Variants in TPRG1 observed in about 807,000 individuals in gnomAD.
The protein encoded by TPRG1 is tumor protein p63-regulated gene 1 protein.
Under a neutral mutation model 29.3 loss-of-function variants are expected in TPRG1, and 29 were observed. The ratio of observed to expected loss-of-function variants is 0.99; its 90% CI spans 0.74 to 1.35. The LOEUF (loss-of-function observed/expected upper bound fraction) is 1.35. Among genes scored for constraint, TPRG1 ranks in the 40% most tolerant of loss-of-function variants. The pLI is 0.00. For missense variants in TPRG1, 327 were observed against 335.0 expected (o/e 0.98, Z 0.19); for synonymous variants, 130 against 116.8 (o/e 1.11, Z -0.73).
chr3:189,116,467 G>A (rs996887728), intron 1 of TPRG1, among the ~76,000 whole-genome samples: 7 of 152,166 alleles, frequency 4.6e-5, no homozygotes, highest in Admixed American at 2.6e-4. Context: ...ATGAGCCACC[G>A]CGCCCAGCTC....
chr3:189,162,748 A>G (rs1427794633), intron 5 of TPRG1, among the ~76,000 whole-genome samples: 3 of 152,222 alleles, frequency 2.0e-5, no homozygotes, highest in Non-Finnish European at 4.4e-5. Flanking sequence ...GTTGCTCTAT[A>G]CATAAGATAC....
chr3:189,056,741 T>C (rs571897684), intron 4 of TPRG1, among the ~76,000 whole-genome samples: 1 of 152,280 alleles, frequency 6.6e-6, no homozygotes, highest in South Asian at 2.1e-4. Context: ...AATCTCTCAG[T>C]GCAGACAGAT....
chr3:189,317,771 A>T (rs964876522), intron 5 of TPRG1, among the ~76,000 whole-genome samples: 1 of 152,170 alleles, frequency 6.6e-6, no homozygotes, highest in South Asian at 2.1e-4. Context: ...ATGTATACTT[A>T]CAAAGGTATA....
chr3:189,153,561 A>G (rs887420282), intron 5 of TPRG1, among the ~76,000 whole-genome samples: 1 of 151,966 alleles, frequency 6.6e-6, no homozygotes, highest in Admixed American at 6.6e-5. Flanking sequence ...TCACTCCCCA[A>G]GTGTCTCGGG....
At chr3:189,223,353 T>A (rs1234685855) in intron 3 of TPRG1, among the ~76,000 whole-genome samples, 1 of 152,180 alleles carries the variant, frequency 6.6e-6, no homozygotes, top group Non-Finnish European at 1.5e-5. Context: ...CTCAAATCTA[T>A]CAAGATGTTA....
At chr3:189,116,532 G>T (rs1191501598) in intron 1 of TPRG1, among the ~76,000 whole-genome samples, 2 of 152,130 alleles carry the variant, frequency 1.3e-5, no homozygotes, top group South Asian at 2.1e-4. Context: ...GTAGCCAAAA[G>T]GTAGAAGTAA....
intron 4 of TPRG1, among the ~76,000 whole-genome samples, chr3:189,292,092 T>G (rs1485396320): frequency 6.6e-6 from 1 of 152,238 alleles, no homozygotes; most frequent in Non-Finnish European, 1.5e-5. Context: ...TTTAAACAAT[T>G]TGAAAACATC....
intron 3 of TPRG1, among the ~76,000 whole-genome samples, chr3:189,145,234 C>T (rs559568055): frequency 3.3e-5 from 5 of 151,828 alleles, no homozygotes; most frequent in Admixed American, 2.0e-4. Flanking sequence ...TGGTGGCAGG[C>T]GCCTGTAATC....
chr3:189,189,504 C>T (rs1192873257), intron 1 of TPRG1, among the ~76,000 whole-genome samples: 1 of 151,600 alleles, frequency 6.6e-6, no homozygotes, highest in Non-Finnish European at 1.5e-5. Context: ...TTGGATTTGC[C>T]CCTGGGAGAT....
chr3:189,008,775 G>T (rs1015840584), intron 3 of TPRG1, among the ~76,000 whole-genome samples: 13 of 152,148 alleles, frequency 8.5e-5, no homozygotes, highest in Non-Finnish European at 1.8e-4. Flanking sequence ...AAATTGTATG[G>T]AAAAGGAAAC....
In TPRG1 at chr3:189,310,379, CT is replaced by C. The variant is rs762400305; in HGVS notation, c.480-5del. On this transcript the variant is annotated splice_polypyrimidine_tract_variant and splice_region_variant and intron_variant, in intron 4 of 5. Coordinates refer to ENST00000345063, the MANE Select transcript of TPRG1 (RefSeq NM_198485.4). Reference sequence around the variant, plus strand: ...GACTAATCTAATGGAAAACGCCTTTCTTGTAGGAGACAAGGAGAAGGCCTTA... The same window carrying C: ...GACTAATCTAATGGAAAACGCCTTTCTGTAGGAGACAAGGAGAAGGCCTTA... 1 of 1,555,612 alleles carries C rather than the reference CT, an allele frequency of 6.4e-7. No individual in the cohort carries two copies. The highest frequency in any genetic ancestry group is 8.7e-7 in the Non-Finnish European group (1 of 1,149,994).
Position 189,312,107 on chromosome 3 carries a change from T to TC in TPRG1, c.633+1568_633+1569insC, listed in dbSNP as rs1560688827. Among the ~76,000 whole-genome samples, 35 of 73,808 alleles carry TC rather than the reference T, an allele frequency of 4.7e-4. 1 individual carries two copies. The highest frequency in any genetic ancestry group is 1.1e-3 in the South Asian group (3 of 2,734). 48.4% of individuals were successfully genotyped at this position (73,808 alleles called of 152,430 possible). A position where few individuals can be genotyped will look rare whatever the true frequency, so the allele number is the denominator to read the frequency against. ...TTTCTTTCTTTCTTTGTTTCTTTGT[T>TC]TCTTTCTTTGTTTCTTTCTTTCTTT... On this transcript the variant is annotated intron_variant, in intron 5 of 5. Coordinates refer to ENST00000345063, the MANE Select transcript of TPRG1 (RefSeq NM_198485.4).
chr3:189,304,997 C>T (rs917655821), intron 4 of TPRG1, among the ~76,000 whole-genome samples: 10 of 152,202 alleles, frequency 6.6e-5, no homozygotes, highest in East Asian at 5.8e-4. Context: ...TTTGGTGCCT[C>T]GAGCTATGTT....
At chr3:189,082,009 A>G (rs1717623882) in intron 4 of TPRG1, among the ~76,000 whole-genome samples, 1 of 152,232 alleles carries the variant, frequency 6.6e-6, no homozygotes, top group African/African-American at 2.4e-5. Context: ...TTTGATAATA[A>G]GCCATCTACC....
chr3:189,207,910 G>A (rs1560553440), intron 2 of TPRG1, among the ~76,000 whole-genome samples: 1 of 152,194 alleles, frequency 6.6e-6, no homozygotes, highest in Non-Finnish European at 1.5e-5. Flanking sequence ...GAGAACCATA[G>A]CAGCTAGAAT....
intron 4 of TPRG1, among the ~76,000 whole-genome samples, chr3:189,305,237 C>T (rs1302094718): frequency 6.6e-6 from 1 of 152,190 alleles, no homozygotes; most frequent in Non-Finnish European, 1.5e-5. Flanking sequence ...GCAAGAGGAC[C>T]TGTGGCTTCT....
At chr3:189,002,953 C>G (rs1006845673) in intron 2 of TPRG1, among the ~76,000 whole-genome samples, 4 of 152,076 alleles carry the variant, frequency 2.6e-5, no homozygotes, top group Non-Finnish European at 4.4e-5. Context: ...AACATTTAAC[C>G]ACACCTAGCT....
In TPRG1 at chr3:189,094,936, GA is replaced by G. The variant is rs759078467; in HGVS notation, c.-462-32117del. Among the ~76,000 whole-genome samples, 34 of 152,282 alleles carry G rather than the reference GA, an allele frequency of 2.2e-4. 1 individual carries two copies. Among genetic ancestry groups the G allele is most frequent in the Admixed American group, 1.4e-3 (21 of 15,300 alleles). On this transcript the variant is annotated intron_variant, in intron 4 of 10. Transcript: ENST00000433971. ...TGGAGGAGCAGGATGCACAACCGTA[GA>G]AAATGATTGGCATCAGTTTTACAGA...
chr3:189,039,624 C>A (rs995262132), intron 4 of TPRG1, among the ~76,000 whole-genome samples: 3 of 152,082 alleles, frequency 2.0e-5, no homozygotes, highest in African/African-American at 7.2e-5. Flanking sequence ...GAAAAGAAAG[C>A]AATTTCATAA....
Sources: gnomAD v4.1 joint callset for allele counts (sites outside exome capture counted in the v4.1 genomes callset) on GRCh38, gnomAD v4.1.1 for gene constraint, MANE v1.5 for transcripts, NCBI Gene and HGNC (gene_info 2026-07-23, HGNC 2026-07-21) for gene names.